PRTG: variants seen among roughly 807,000 people sequenced by gnomAD.
PRTG encodes the protein immunoglobulin superfamily, DCC subclass, member 5.
In PRTG, 67 loss-of-function variants were observed where a neutral mutation model predicts 122.5. That is an observed-to-expected ratio of 0.55 (90% CI 0.45 to 0.67). The LOEUF is 0.67. Among genes scored for constraint, PRTG ranks in the 30% least tolerant of loss-of-function variants. PRTG has a pLI of 0.00. For missense variants in PRTG, 1,435 were observed against 1,415.4 expected (o/e 1.01, Z -0.22); for synonymous variants, 554 against 501.1 (o/e 1.11, Z -1.41).
intron 2 of PRTG, among the ~76,000 whole-genome samples, chr15:55,729,548 G>C (rs1253093509): frequency 6.6e-6 from 1 of 151,798 alleles, no homozygotes; most frequent in Admixed American, 6.6e-5. Context: ...AGGAGGACTG[G>C]AGTTCCAGAC....
At chr15:55,723,569 T>C (rs12903239) in intron 2 of PRTG, among the ~76,000 whole-genome samples, 71,306 of 151,682 alleles carry the variant, frequency 0.47, 18,794 homozygotes, top group Middle Eastern at 0.62. Context: ...AATAAATCTA[T>C]ACACCTACAA....
chr15:55,664,675 C>A (rs947975168), intron 11 of PRTG, among the ~76,000 whole-genome samples: 1 of 152,032 alleles, frequency 6.6e-6, no homozygotes, highest in African/African-American at 2.4e-5. Context: ...CTACCTCGAC[C>A]TCCTGGACTC....
chr15:55,691,167 G>A (rs2059598687), intron 2 of PRTG, among the ~76,000 whole-genome samples: 1 of 151,874 alleles, frequency 6.6e-6, no homozygotes, highest in South Asian at 2.1e-4. Context: ...GTGGTGGCAG[G>A]TGCCTGTAAT....
chr15:55,738,084 A>G (rs2031493454), intron 2 of PRTG: 1 of 142,618 alleles, frequency 7.0e-6, no homozygotes, highest in Non-Finnish European at 1.5e-5. Flanking sequence ...ATATATATAT[A>G]TATATATATT....
intron 2 of PRTG, among the ~76,000 whole-genome samples, chr15:55,731,366 CTTTTT>C (rs10658460): frequency 3.9e-5 from 4 of 103,774 alleles, no homozygotes; most frequent in Admixed American, 1.1e-4. Flanking sequence ...CCTTATCATT[CTTTTT>C]TTTTTTTTTT....
intron 6 of PRTG, chr15:55,679,771 T>C: frequency 2.3e-6 from 1 of 433,516 alleles, no homozygotes. Flanking sequence ...ATTTTTAAAT[T>C]GGCAAATAGG....
At chr15:55,634,226 C>T (rs1427155680) in intron 15 of PRTG, among the ~76,000 whole-genome samples, 1 of 151,806 alleles carries the variant, frequency 6.6e-6, no homozygotes, top group Admixed American at 6.6e-5. Context: ...TGCCACCACG[C>T]CTGGCTAATT....
At chr15:55,653,251 G>A (rs998124586) in intron 11 of PRTG, among the ~76,000 whole-genome samples, 8 of 152,068 alleles carry the variant, frequency 5.3e-5, no homozygotes, top group Non-Finnish European at 1.0e-4. Context: ...CATGGAAGCT[G>A]ACCAGTAGAG....
At chr15:55,653,920 C>T (rs1225335153) in intron 11 of PRTG, among the ~76,000 whole-genome samples, 1 of 152,162 alleles carries the variant, frequency 6.6e-6, no homozygotes, top group Non-Finnish European at 1.5e-5. Context: ...GTCCATCAGG[C>T]TTTTAAGAAT....
At chr15:55,717,516 T>C (rs1221271565) in intron 2 of PRTG, among the ~76,000 whole-genome samples, 1 of 152,236 alleles carries the variant, frequency 6.6e-6, no homozygotes, top group African/African-American at 2.4e-5. Context: ...AAGAAAGTTA[T>C]GACCTTTGAC....
In PRTG at chr15:55,639,758, A is replaced by G; in HGVS notation, c.2208T>C (p.Ser736=). The G allele has an allele frequency of 6.2e-7, 1 of 1,614,222 alleles. No individual in the cohort carries two copies. The highest frequency in any genetic ancestry group is 8.5e-7 in the Non-Finnish European group (1 of 1,180,036). The change falls in exon 13 of 20, where the codon TCT becomes TCC. Residue 736 remains serine, a synonymous_variant. Transcript: ENST00000389286. ...HHLYAKANTS[S]SIFLHWRRPA... is the part of the protein sequence containing the mutation. ...GCCTCCTCCAGTGCAGGAAGATGGA[A>G]GATGAGGTGTTAGCCTTCGCATAGA...
rs1476649945 is a variant in PRTG at position 55,680,100 on chromosome 15, A to G, written c.927T>C (p.Pro309=). The change falls in exon 6 of 20, where the codon CCT becomes CCC. Residue 309 remains proline, a synonymous_variant. Transcript: ENST00000389286. ...AGVYVCRATT[P]GTRNFTVAMA... is the part of the protein sequence containing the mutation. ...TAGCAACTGTAAAGTTGCGTGTGCC[A>G]GGGGTAGTGGCCCGACAAACATATA... 6.2e-6 allele frequency: 10 copies of G among 1,613,664 alleles called. No homozygotes were observed. Among genetic ancestry groups the G allele is most frequent in the Admixed American group, 1.7e-5 (1 of 59,984 alleles).
At chr15:55,718,580 G>T (rs896306503) in intron 2 of PRTG, among the ~76,000 whole-genome samples, 1 of 150,228 alleles carries the variant, frequency 6.7e-6, no homozygotes, top group African/African-American at 2.5e-5. Context: ...GACTCAGCCC[G>T]CCTGCACCCA....
intron 2 of PRTG, among the ~76,000 whole-genome samples, chr15:55,695,668 T>C (rs1381657766): frequency 3.9e-5 from 6 of 152,196 alleles, no homozygotes; most frequent in Non-Finnish European, 8.8e-5. Flanking sequence ...CTGGGAAATC[T>C]ATAAGTAGCT....
At chr15:55,738,309 G>A in intron 2 of PRTG, 1 of 436,686 alleles carries the variant, frequency 2.3e-6, no homozygotes, top group African/African-American at 2.0e-5. Context: ...CATTTTGTTT[G>A]TTACACCTAT....
chr15:55,659,418 C>T (rs2059397357), intron 11 of PRTG, among the ~76,000 whole-genome samples: 1 of 152,100 alleles, frequency 6.6e-6, no homozygotes, highest in East Asian at 1.9e-4. Flanking sequence ...CTAGTTAACT[C>T]CTATTATCTT....
chr15:55,629,439 T>C (rs1453618089), intron 15 of PRTG, among the ~76,000 whole-genome samples: 1 of 131,492 alleles, frequency 7.6e-6, no homozygotes, highest in Non-Finnish European at 1.7e-5. Context: ...GTGTGTGTAA[T>C]GTTTTACTCT....
intron 11 of PRTG, among the ~76,000 whole-genome samples, chr15:55,670,204 CAA>C (rs1256201936): frequency 6.7e-6 from 1 of 150,210 alleles, no homozygotes; most frequent in African/African-American, 2.5e-5. Context: ...TTTTAATTGC[CAA>C]AGTTTTAATA....
Position 55,673,691 on chromosome 15 carries a change from A to T in PRTG, c.1547-15T>A, listed in dbSNP as rs759574636. The T allele has an allele frequency of 3.7e-5, 59 of 1,603,002 alleles. No individual in the cohort carries two copies. The highest frequency in any genetic ancestry group is 4.6e-5 in the Non-Finnish European group (54 of 1,171,296). On this transcript the variant is annotated splice_polypyrimidine_tract_variant and intron_variant, in intron 9 of 19. Coordinates refer to ENST00000389286, the MANE Select transcript of PRTG (RefSeq NM_173814.6). ...TCTCAGGGGAACTAGTCATAGAAGA[A>T]ATCAGGTTGTTTATAAATATTTAGA...
Sources: allele counts gnomAD v4.1 joint callset (sites outside exome capture counted in the v4.1 genomes callset), GRCh38; gene constraint gnomAD v4.1.1; transcripts MANE v1.5; gene names NCBI Gene and HGNC (gene_info 2026-07-23, HGNC 2026-07-21).